The following GALK1 variants were observed in gnomAD, a reference collection of about 807,000 sequenced individuals.
GALK1 encodes the protein galactokinase.
In GALK1, 30 loss-of-function variants were observed where a neutral mutation model predicts 38.6. That is an observed-to-expected ratio of 0.78 (90% CI 0.58 to 1.05). The LOEUF is 1.05. Ranked by LOEUF, GALK1 falls within the 50% of genes least tolerant of loss-of-function variation. GALK1 has a pLI of 0.00. For missense variants in GALK1, 512 were observed against 540.5 expected (o/e 0.95, Z 0.52); for synonymous variants, 240 against 233.6 (o/e 1.03, Z -0.25).
chr17:75,754,776 C>A, downstream of GALK1: 1 of 1,612,580 alleles, frequency 6.2e-7, no homozygotes, highest in Non-Finnish European at 8.5e-7. Flanking sequence ...GACCACACTG[C>A]CCAGGGACTA....
chr17:75,752,889 A>G (rs2061400715), intron 8 of GALK1, among the ~76,000 whole-genome samples: 1 of 152,140 alleles, frequency 6.6e-6, no homozygotes, highest in South Asian at 2.1e-4. Context: ...CCCCAGGGGC[A>G]GGCCTGGCCC....
chr17:75,754,880 T>C, downstream of GALK1: 1 of 1,608,412 alleles, frequency 6.2e-7, no homozygotes, highest in Non-Finnish European at 8.5e-7. Context: ...TCCTGGAGCC[T>C]CGGGCTTCTG....
chr17:75,754,952 A>G, downstream of GALK1: 3 of 1,372,334 alleles, frequency 2.2e-6, no homozygotes, highest in Non-Finnish European at 3.0e-6. Flanking sequence ...GCACGCACAC[A>G]CGTGCACACG....
intron 5 of GALK1, among the ~76,000 whole-genome samples, chr17:75,761,317 G>A (rs950527462): frequency 6.6e-6 from 1 of 151,958 alleles, no homozygotes; most frequent in Non-Finnish European, 1.5e-5. Flanking sequence ...AAAATATTGT[G>A]GAGCTTTAAA....
At chr17:75,755,717 T>C, downstream of GALK1, 1 of 1,612,896 alleles carries the variant, frequency 6.2e-7, no homozygotes, top group Non-Finnish European at 8.5e-7. Flanking sequence ...GCCTGACTGC[T>C]GGTGTGCCCG....
downstream of GALK1, chr17:75,755,695 C>A (rs564467403): frequency 3.7e-6 from 6 of 1,612,824 alleles, no homozygotes; most frequent in South Asian, 6.6e-5. Flanking sequence ...GGCCTCCTGT[C>A]CCCAGACTCT....
downstream of GALK1, chr17:75,756,849 C>A: frequency 1.9e-6 from 3 of 1,612,322 alleles, no homozygotes; most frequent in Non-Finnish European, 2.5e-6. Context: ...GTGAGATGGC[C>A]CAAGGAGGAG....
chr17:75,757,788 C>A, downstream of GALK1: 1 of 674,948 alleles, frequency 1.5e-6, no homozygotes, highest in Non-Finnish European at 2.5e-6. Context: ...AGCCTTTGTT[C>A]TGCACTTAAT....
chr17:75,751,488 TAA>T (rs922324065), downstream of GALK1: 59 of 321,632 alleles, frequency 1.8e-4, no homozygotes, highest in African/African-American at 1.2e-3. Flanking sequence ...GATAGCACTT[TAA>T]AAGATTATTT....
chr17:75,755,758 TG>T (rs794726676), downstream of GALK1: 11 of 1,612,850 alleles, frequency 6.8e-6, no homozygotes, highest in Non-Finnish European at 9.3e-6. Context: ...TTCTCTGCCC[TG>T]GGGCCCACAT....
At position 75,752,124 on chromosome 17, in the gene GALK1, G is replaced by T. The variant is rs1202103363; in HGVS notation, c.*23-387C>A. On this transcript the variant is annotated intron_variant, in intron 8 of 8. Coordinates refer to the GALK1 transcript ENST00000225614. Reference sequence around the variant, plus strand: ...TCCTGCTGTGTCAGGGGTGGTGTTGGGACCAGGCTGGGACCTGGGTGACCC... The same window carrying T: ...TCCTGCTGTGTCAGGGGTGGTGTTGTGACCAGGCTGGGACCTGGGTGACCC... 1.9e-6 allele frequency: 3 copies of T among 1,588,616 alleles called. No homozygotes were observed. In the South Asian group the frequency reaches 3.3e-5, roughly 18 times the overall value.
chr17:75,752,456 C>G, intron 8 of GALK1: 1 of 1,613,530 alleles, frequency 6.2e-7, no homozygotes, highest in South Asian at 1.1e-5. Context: ...TCCCCATCAT[C>G]CCTGACATCC....
At chr17:75,757,588 T>C (rs967820989), downstream of GALK1, 2 of 1,611,714 alleles carry the variant, frequency 1.2e-6, no homozygotes, top group Non-Finnish European at 8.5e-7. Flanking sequence ...CACGTCCCAC[T>C]AGGCGTCCTC....
intron 5 of GALK1, among the ~76,000 whole-genome samples, chr17:75,759,225 C>G (rs374887558): frequency 5.3e-5 from 8 of 151,972 alleles, no homozygotes; most frequent in Admixed American, 2.0e-4. Context: ...GTCAGGAGCT[C>G]GAGACCAGCC....
At chr17:75,752,211 C>A (rs1360772443) in intron 8 of GALK1, 1 of 1,613,946 alleles carries the variant, frequency 6.2e-7, no homozygotes, top group African/African-American at 1.3e-5. Context: ...TGGTTGACAA[C>A]CCTAAGAACC....
At chr17:75,753,956 A>T, downstream of GALK1, 1 of 1,265,166 alleles carries the variant, frequency 7.9e-7, no homozygotes, top group Non-Finnish European at 9.9e-7. Flanking sequence ...CCGCAGTGCG[A>T]CACCCGGGCC....
rs200095299 is a variant in GALK1 at position 75,758,363 on chromosome 17, A to G, written c.954T>C (p.Tyr318=). 3 of 1,591,716 alleles carry G rather than the reference A, an allele frequency of 1.9e-6. No individual in the cohort carries two copies. Among genetic ancestry groups the G allele is most frequent in the African/African-American group, 2.7e-5 (2 of 74,806 alleles). Residue 318 remains tyrosine (Y), a synonymous_variant, in exon 7 of 8, where the codon TAT becomes TAC. Coordinates refer to ENST00000588479, the MANE Select transcript of GALK1 (RefSeq NM_000154.2). ...GGTCCAGCTCTGGGCAGCTCACCTC[A>G]TAGTCGTCTCTGCAGAGAGGATATT... ...VESHRSLRDD[Y]EVSCPELDQL... is the part of the protein sequence containing the mutation.
chr17:75,757,321 A>T, downstream of GALK1: 1 of 1,612,486 alleles, frequency 6.2e-7, no homozygotes, highest in Non-Finnish European at 8.5e-7. Flanking sequence ...GTGAGCACTG[A>T]GGGCTAGGGG....
At chr17:75,764,618 TG>T in intron 1 of GALK1, 2 of 465,938 alleles carry the variant, frequency 4.3e-6, no homozygotes, top group Middle Eastern at 6.3e-4. Flanking sequence ...GGTCTGCGGT[TG>T]GGGCCCCACG....
Sources: allele counts gnomAD v4.1 joint callset (sites outside exome capture counted in the v4.1 genomes callset), GRCh38; gene constraint gnomAD v4.1.1; transcripts MANE v1.5; gene names NCBI Gene and HGNC (gene_info 2026-07-23, HGNC 2026-07-21).